The following TADA2A variants were observed in gnomAD, a reference collection of about 807,000 sequenced individuals.
The protein encoded by TADA2A is transcriptional adapter 2-alpha.
Under a neutral mutation model 67.4 loss-of-function variants are expected in TADA2A, and 38 were observed. The ratio of observed to expected loss-of-function variants is 0.56; its 90% CI spans 0.44 to 0.74. The LOEUF (loss-of-function observed/expected upper bound fraction) is 0.74, where lower values mean the gene tolerates loss of function less well. Ranked by LOEUF, TADA2A falls within the 30% of genes least tolerant of loss-of-function variation. The pLI, the probability that TADA2A is intolerant of heterozygous loss-of-function variation, is 0.00. For synonymous variants in TADA2A, 192 were observed against 181.6 expected (o/e 1.06, Z -0.46); for missense variants, 454 against 547.0 (o/e 0.83, Z 1.70).
At chr17:37,473,665 C>G (rs2053838039) in intron 14 of TADA2A, among the ~76,000 whole-genome samples, 1 of 152,038 alleles carries the variant, frequency 6.6e-6, no homozygotes, top group Non-Finnish European at 1.5e-5. Flanking sequence ...AAAACAAAAC[C>G]AAAAAAGTTT....
At chr17:37,476,027 G>A (rs1198889544) in intron 15 of TADA2A, among the ~76,000 whole-genome samples, 1 of 152,176 alleles carries the variant, frequency 6.6e-6, no homozygotes, top group Non-Finnish European at 1.5e-5. Context: ...TAATAAGGAA[G>A]GGTCATAGTG....
rs2053776076 is a variant in TADA2A at position 37,471,039 on chromosome 17, T to C, written c.1029-55T>C. On this transcript the variant is annotated intron_variant, in intron 13 of 15. Transcript: ENST00000615182. ...TGGCACCCAGTCTCACCGGGGCTTT[T>C]GGAAATCACCTTGTTTGATATGACC... The C allele has an allele frequency of 2.5e-6, 4 of 1,601,664 alleles. No individual in the cohort carries two copies. In the South Asian group the frequency reaches 3.3e-5, roughly 13 times the overall value.
intron 12 of TADA2A, among the ~76,000 whole-genome samples, chr17:37,468,223 ATAAT>A (rs1186035818): frequency 2.0e-5 from 3 of 152,192 alleles, no homozygotes; most frequent in East Asian, 3.8e-4. Context: ...GGTAGTGACA[ATAAT>A]TATATTATTA....
Position 37,421,791 on chromosome 17 carries a change from CAAAAA to C in TADA2A, c.26-1712_26-1708del, listed in dbSNP as rs1195906262. On this transcript the variant is annotated intron_variant, in intron 2 of 15. Transcript: ENST00000615182. ...TAGGTGACAGAGTGAGACCCTATCT[CAAAAA>C]AAAAAGGAGTTTTCTCTTATTTGCC... Among the ~76,000 whole-genome samples the C allele has an allele frequency of 1.2e-3, 127 of 103,190 alleles. 16 individuals carry two copies. Among genetic ancestry groups the C allele is most frequent in the African/African-American group, 1.6e-3 (43 of 26,080 alleles). 67.7% of individuals were successfully genotyped at this position (103,190 alleles called of 152,430 possible). A position where few individuals can be genotyped will look rare whatever the true frequency, so the allele number is the denominator to read the frequency against.
chr17:37,473,540 G>C (rs1212494902), intron 14 of TADA2A, among the ~76,000 whole-genome samples: 1 of 152,156 alleles, frequency 6.6e-6, no homozygotes, highest in African/African-American at 2.4e-5. Flanking sequence ...GCTTGTAACA[G>C]TCCCTCCCCT....
chr17:37,455,495 C>T (rs1394200267), intron 8 of TADA2A, among the ~76,000 whole-genome samples: 2 of 152,066 alleles, frequency 1.3e-5, no homozygotes, highest in African/African-American at 4.8e-5. Context: ...CATTCTGCTG[C>T]CTCAGCCTCC....
At position 37,465,665 on chromosome 17, in the gene TADA2A, C is replaced by CT. The variant is rs577486197; in HGVS notation, c.823+127dup. The CT allele has an allele frequency of 2.0e-6, 3 of 1,508,932 alleles. No homozygotes were observed. The South Asian group carries it at 3.8e-5, about 19-fold the overall frequency. 93.5% of individuals were successfully genotyped at this position (1,508,932 alleles called of 1,614,324 possible). The stretch of plus-strand genomic sequence containing the variant: ...AATGGATATTTCTCTCTTTGTTCCC[C>CT]TTTATTACCATGAGACAAATTTGGG... On this transcript the variant is annotated intron_variant, in intron 11 of 15. Coordinates refer to ENST00000615182, the MANE Select transcript of TADA2A (RefSeq NM_001166105.3).
intron 13 of TADA2A, 60 bp downstream of exon 13, chr17:37,470,592 A>G (rs1193038893): frequency 5.5e-6 from 8 of 1,465,368 alleles, no homozygotes; most frequent in Admixed American, 2.6e-5. Flanking sequence ...GCCTTCACAT[A>G]TATTTTTGGG....
intron 9 of TADA2A, among the ~76,000 whole-genome samples, chr17:37,460,201 A>G (rs1453994406): frequency 1.3e-5 from 2 of 150,874 alleles, no homozygotes; most frequent in African/African-American, 2.4e-5. Context: ...GGTGTGAGCC[A>G]CTGCACTCGG....
At chr17:37,424,675 G>A (rs1393462733) in intron 3 of TADA2A, among the ~76,000 whole-genome samples, 2 of 151,694 alleles carry the variant, frequency 1.3e-5, no homozygotes, top group African/African-American at 2.4e-5. Context: ...TCCTGCCTCA[G>A]CCTCCTGAGT....
At chr17:37,440,866 G>A (rs184124392) in intron 6 of TADA2A, among the ~76,000 whole-genome samples, 164 of 152,212 alleles carry the variant, frequency 1.1e-3, no homozygotes, top group African/African-American at 3.8e-3. Flanking sequence ...AGGCTGAGGC[G>A]GGTAAATCAC....
At chr17:37,456,174 T>G (rs1187088002) in intron 8 of TADA2A, among the ~76,000 whole-genome samples, 1 of 152,162 alleles carries the variant, frequency 6.6e-6, no homozygotes, top group Non-Finnish European at 1.5e-5. Flanking sequence ...CACTCCAGCC[T>G]GGGCAACAGA....
chr17:37,412,055 A>G (rs2051892822), intron 2 of TADA2A, among the ~76,000 whole-genome samples: 1 of 151,522 alleles, frequency 6.6e-6, no homozygotes, highest in Admixed American at 6.6e-5. Context: ...GTAAAAAATA[A>G]AAAAAATTAG....
At chr17:37,407,219 T>G (rs1476074882) in intron 1 of TADA2A, 1 of 152,032 alleles carries the variant, frequency 6.6e-6, no homozygotes, top group African/African-American at 2.4e-5. Context: ...TGCCCCGGCC[T>G]CGCCATTTCC....
At chr17:37,454,317 T>C (rs1252529656) in intron 8 of TADA2A, 1 of 149,904 alleles carries the variant, frequency 6.7e-6, no homozygotes, top group South Asian at 2.1e-4. Flanking sequence ...TTTTTTTTTT[T>C]TGGAGTCTTG....
At chr17:37,437,905 G>T in intron 5 of TADA2A, 76 bp downstream of exon 5, 2 of 1,358,110 alleles carry the variant, frequency 1.5e-6, no homozygotes, top group Non-Finnish European at 2.1e-6. Context: ...GTAAAGGAAG[G>T]AACCTCAGGA....
chr17:37,457,711 G>C (rs1209465543), intron 8 of TADA2A, among the ~76,000 whole-genome samples: 1 of 150,378 alleles, frequency 6.6e-6, no homozygotes, highest in Admixed American at 6.6e-5. Context: ...GGCCAGGCTG[G>C]TCTTGAACTC....
At chr17:37,421,601 A>G (rs1260012283) in intron 2 of TADA2A, among the ~76,000 whole-genome samples, 3 of 146,338 alleles carry the variant, frequency 2.1e-5, no homozygotes, top group Non-Finnish European at 4.6e-5. Flanking sequence ...CCTAGGCAAC[A>G]TAGTGAAACT....
chr17:37,411,430 A>G, intron 2 of TADA2A, 40 bp downstream of exon 2: 3 of 1,461,530 alleles, frequency 2.1e-6, no homozygotes, highest in Non-Finnish European at 2.8e-6. Flanking sequence ...ACTTATTATT[A>G]TTTTTTTTTT....
Sources: allele counts gnomAD v4.1 joint callset (sites outside exome capture counted in the v4.1 genomes callset), GRCh38; gene constraint gnomAD v4.1.1; transcripts MANE v1.5; gene names NCBI Gene and HGNC (gene_info 2026-07-23, HGNC 2026-07-21).